ANXA5: variants seen among roughly 807,000 people sequenced by gnomAD.
The protein encoded by ANXA5 is CBP-I.
ANXA5 carries 40 observed loss-of-function variants against 48.1 expected under a neutral mutation model. The observed-to-expected ratio is 0.83, with a 90% CI of 0.65 to 1.08. The LOEUF (loss-of-function observed/expected upper bound fraction) is 1.08. ANXA5 is among the 50% of genes least tolerant of loss of function. The pLI is 0.00. For missense variants in ANXA5, 357 were observed against 376.8 expected (o/e 0.95, Z 0.44); for synonymous variants, 113 against 129.1 (o/e 0.88, Z 0.85).
At chr4:121,672,840 A>G (rs890130240) in intron 8 of ANXA5, among the ~76,000 whole-genome samples, 1 of 152,176 alleles carries the variant, frequency 6.6e-6, no homozygotes, top group Non-Finnish European at 1.5e-5. Flanking sequence ...CAGAAGATTC[A>G]TGGGTCCAAG....
intron 8 of ANXA5, among the ~76,000 whole-genome samples, chr4:121,677,281 C>T (rs1195057023): frequency 6.6e-6 from 1 of 152,124 alleles, no homozygotes; most frequent in Non-Finnish European, 1.5e-5. Flanking sequence ...TACCAATTTC[C>T]AGTTTTCAGC....
At chr4:121,677,067 CA>C (rs1404691749) in intron 8 of ANXA5, among the ~76,000 whole-genome samples, 4 of 152,130 alleles carry the variant, frequency 2.6e-5, no homozygotes, top group Admixed American at 6.6e-5. Context: ...TCAACCTACC[CA>C]AAAGAATAAC....
intron 8 of ANXA5, among the ~76,000 whole-genome samples, chr4:121,674,439 T>C (rs1724665223): frequency 6.6e-6 from 1 of 152,172 alleles, no homozygotes; most frequent in African/African-American, 2.4e-5. Context: ...TTTCTACATG[T>C]AGATAAAATA....
At position 121,683,411 on chromosome 4, in the gene ANXA5, T is replaced by G; in HGVS notation, c.256A>C (p.Lys86Gln). 1 of 1,611,298 alleles carries G rather than the reference T, an allele frequency of 6.2e-7. No homozygotes were observed. Among genetic ancestry groups the G allele is most frequent in the Non-Finnish European group, 8.5e-7 (1 of 1,178,406 alleles). The stretch of plus-strand genomic sequence containing the variant: ...TAAGCATCATAAAGCCGAGAGGGTT[T>G]CATCAGAGCCACAATTAATTTTTCA... Reference protein sequence around the residue: ...KFEKLIVALMKPSRLYDAYEL... With the variant: ...KFEKLIVALMQPSRLYDAYEL... The change falls in exon 5 of 13, where the codon AAA (lysine) becomes CAA (glutamine). Residue 86 changes from lysine to glutamine, a missense_variant. Coordinates refer to ENST00000296511, the MANE Select transcript of ANXA5 (RefSeq NM_001154.4).
chr4:121,671,488 T>C (rs999300790), intron 10 of ANXA5, 59 bp downstream of exon 10: 16 of 1,269,668 alleles, frequency 1.3e-5, no homozygotes, highest in Admixed American at 1.7e-5. Context: ...GCAGCCTCAA[T>C]TGAATAAAAT....
chr4:121,672,432 T>C, intron 9 of ANXA5, 101 bp downstream of exon 9: 1 of 745,380 alleles, frequency 1.3e-6, no homozygotes, highest in South Asian at 1.8e-5. Flanking sequence ...AACTGATTCA[T>C]TCTCTAAGTC....
rs141535780 is a variant in ANXA5 at position 121,691,496 on chromosome 4, G to C, written c.9+5085C>G. On this transcript the variant is annotated intron_variant, in intron 2 of 12. Transcript: ENST00000296511. ...CACAGAAAAGGACTAAACTCTCTTT[G>C]TTCTCCAGTTCCATATAATCAATAT... Among the ~76,000 whole-genome samples, 1,413 of 151,930 alleles carry C rather than the reference G, an allele frequency of 9.3e-3. 12 individuals carry two copies. Among genetic ancestry groups the C allele is most frequent in the Middle Eastern group, 0.017 (5 of 294 alleles).
chr4:121,676,987 C>T (rs191377699), intron 8 of ANXA5, among the ~76,000 whole-genome samples: 3 of 152,084 alleles, frequency 2.0e-5, no homozygotes, highest in African/African-American at 4.8e-5. Context: ...AGAGAGCCCT[C>T]GGTAAACATT....
chr4:121,687,338 T>A (rs1361710942), intron 2 of ANXA5, among the ~76,000 whole-genome samples: 1 of 151,478 alleles, frequency 6.6e-6, no homozygotes, highest in East Asian at 1.9e-4. Flanking sequence ...TATCATTAGA[T>A]CCTGAGAGTC....
In ANXA5 at chr4:121,668,373, G is replaced by T; in HGVS notation, c.*95C>A. ...AGCATGCTAGTATGAATAAGGCAAT[G>T]TGTTAAGCACTGGCATACAAATGCA... On this transcript the variant is annotated 3_prime_UTR_variant, in exon 13 of 13. Coordinates refer to ENST00000296511, the MANE Select transcript of ANXA5 (RefSeq NM_001154.4). 2 of 1,053,260 alleles carry T rather than the reference G, an allele frequency of 1.9e-6. No homozygotes were observed. The highest frequency in any genetic ancestry group is 1.6e-5 in the African/African-American group (1 of 63,874). 65.2% of individuals were successfully genotyped at this position (1,053,260 alleles called of 1,614,324 possible).
At chr4:121,678,098 T>C (rs983664325) in intron 7 of ANXA5, 148 bp from the exon 8 acceptor site, 26 of 680,702 alleles carry the variant, frequency 3.8e-5, no homozygotes, top group South Asian at 1.8e-4. Context: ...TTTCACGTTA[T>C]CATCACCCAG....
intron 2 of ANXA5, among the ~76,000 whole-genome samples, chr4:121,689,522 G>GA (rs1247043328): frequency 6.6e-6 from 1 of 152,112 alleles, no homozygotes; most frequent in Admixed American, 6.5e-5. Context: ...AAAAAATTCG[G>GA]AAAAAAATTC....
At chr4:121,678,826 G>A (rs1281716730) in intron 6 of ANXA5, among the ~76,000 whole-genome samples, 1 of 152,174 alleles carries the variant, frequency 6.6e-6, no homozygotes, top group Non-Finnish European at 1.5e-5. Flanking sequence ...CTTAAACTCT[G>A]TTTTGCTTTC....
At chr4:121,682,623 A>AATTC (rs1724812069) in intron 5 of ANXA5, among the ~76,000 whole-genome samples, 1 of 152,150 alleles carries the variant, frequency 6.6e-6, no homozygotes, top group Non-Finnish European at 1.5e-5. Flanking sequence ...ACCATAGGAA[A>AATTC]ATGAAGAGAC....
In ANXA5 at chr4:121,686,387, A is replaced by G. The variant is rs1047520477; in HGVS notation, c.10-15T>C. 1.9e-6 allele frequency: 3 copies of G among 1,599,420 alleles called. No individual in the cohort carries two copies. Among genetic ancestry groups the G allele is most frequent in the Non-Finnish European group, 2.6e-6 (3 of 1,166,694 alleles). On this transcript the variant is annotated splice_polypyrimidine_tract_variant and intron_variant, in intron 2 of 12. Coordinates refer to ENST00000296511, the MANE Select transcript of ANXA5 (RefSeq NM_001154.4). ...CCTCTGAGAACCTAATTCACGAAACACAGTGGTATTATTCATATCATGACT... is the reference window on the plus strand; with the variant it reads ...CCTCTGAGAACCTAATTCACGAAACGCAGTGGTATTATTCATATCATGACT...
At chr4:121,669,057 A>G (rs1724567993) in intron 12 of ANXA5, among the ~76,000 whole-genome samples, 2 of 149,910 alleles carry the variant, frequency 1.3e-5, no homozygotes, top group Admixed American at 6.7e-5. Flanking sequence ...TTTACTGGAA[A>G]AAAAAAAAAA....
At position 121,684,753 on chromosome 4, in the gene ANXA5, A is replaced by T; in HGVS notation, c.113T>A (p.Ile38Asn). 6.2e-7 allele frequency: 1 copy of T among 1,613,908 alleles called. No homozygotes were observed. Among genetic ancestry groups the T allele is most frequent in the South Asian group, 1.1e-5 (1 of 91,078 alleles). ...ACTTCGGGATGTCAACAGAGTCAGGATGCTCTCCTCATCTGTGCCTGCAAT... is the reference window on the plus strand; with the variant it reads ...ACTTCGGGATGTCAACAGAGTCAGGTTGCTCTCCTCATCTGTGCCTGCAAT... The part of the protein sequence containing the change: ...MKGLGTDEES[I>N]LTLLTSRSNA... The change falls in exon 4 of 13, where the codon ATC (isoleucine) becomes AAC (asparagine). Residue 38 changes from isoleucine (I) to asparagine (N), a missense_variant. Physicochemically the swap from Ile to Asn is moderately radical, Grantham distance 149. Coordinates refer to ENST00000296511, the MANE Select transcript of ANXA5 (RefSeq NM_001154.4).
intron 3 of ANXA5, 58 bp from the exon 4 acceptor site, chr4:121,684,829 T>A: frequency 1.5e-6 from 2 of 1,331,444 alleles, no homozygotes; most frequent in Non-Finnish European, 2.2e-6. Flanking sequence ...CTCCCAACGA[T>A]CTTGGCAACT....
At chr4:121,674,753 T>C (rs4326032) in intron 8 of ANXA5, among the ~76,000 whole-genome samples, 58,746 of 152,078 alleles carry the variant, frequency 0.39, 13,543 homozygotes, top group East Asian at 0.69. Context: ...AGTTTTGTTT[T>C]AATCTAAGTA....
Sources: allele counts gnomAD v4.1 joint callset (sites outside exome capture counted in the v4.1 genomes callset), GRCh38; gene constraint gnomAD v4.1.1; transcripts MANE v1.5; gene names NCBI Gene and HGNC (gene_info 2026-07-23, HGNC 2026-07-21).